JAKMIP3: variants seen among roughly 807,000 people sequenced by gnomAD.
The protein encoded by JAKMIP3 is janus kinase and microtubule-interacting protein 3.
In JAKMIP3, 58 loss-of-function variants were observed where a neutral mutation model predicts 118.5. That is an observed-to-expected ratio of 0.49 (90% CI 0.40 to 0.61). JAKMIP3 has a LOEUF of 0.61. Among genes scored for constraint, JAKMIP3 ranks in the 20% least tolerant of loss-of-function variants. JAKMIP3 has a pLI of 0.00. For synonymous variants in JAKMIP3, 486 were observed against 451.2 expected (o/e 1.08, Z -0.98); for missense variants, 950 against 1,109.0 (o/e 0.86, Z 2.04).
At chr10:132,150,324 G>A (rs541466068) in intron 16 of JAKMIP3, among the ~76,000 whole-genome samples, 1 of 152,272 alleles carries the variant, frequency 6.6e-6, no homozygotes, top group South Asian at 2.1e-4. Flanking sequence ...TACTTGCCAT[G>A]AGGATAGGGG....
chr10:132,121,005 A>T (rs1394922998), intron 3 of JAKMIP3, among the ~76,000 whole-genome samples: 1 of 152,194 alleles, frequency 6.6e-6, no homozygotes, highest in East Asian at 1.9e-4. Flanking sequence ...AGGATGGGGA[A>T]GTCTGGGATG....
chr10:132,043,560 AAATGTTTTTC>A (rs2037822418), intron 1 of JAKMIP3, among the ~76,000 whole-genome samples: 1 of 152,204 alleles, frequency 6.6e-6, no homozygotes, highest in African/African-American at 2.4e-5. Flanking sequence ...TTTAGTTTTT[AAATGTTTTTC>A]AGTCCTAGTC....
intron 19 of JAKMIP3, among the ~76,000 whole-genome samples, chr10:132,159,635 G>T: frequency 1.6e-5 from 1 of 62,152 alleles, no homozygotes; most frequent in African/African-American, 5.8e-5. Context: ...CTTCCTTTGT[G>T]ATGCTGGGGG....
chr10:132,140,728 T>C, intron 10 of JAKMIP3, 149 bp downstream of exon 10: 1 of 1,367,442 alleles, frequency 7.3e-7, no homozygotes, highest in Admixed American at 2.4e-5. Flanking sequence ...GGGGAAGCCC[T>C]TCGCGGCCCT....
Position 132,182,690 on chromosome 10 carries a change from A to C in JAKMIP3, c.*1437A>C. On this transcript the variant is annotated 3_prime_UTR_variant, in exon 24 of 24. Transcript: ENST00000684848. ...GCAGCCAGGTGTGACTGTTACTGGC[A>C]GCATTGTATAAAAGACACGACTCAG... 1 of 152,198 alleles carries C rather than the reference A, an allele frequency of 6.6e-6. No homozygotes were observed. The highest frequency in any genetic ancestry group is 2.1e-4 in the South Asian group (1 of 4,834). The allele number at this position is 152,198 out of a possible 1,614,324, so 9.4% of individuals were successfully genotyped here. A position where few individuals can be genotyped will look rare whatever the true frequency, so the allele number is the denominator to read the frequency against.
chr10:132,141,393 C>T (rs1299251824), intron 10 of JAKMIP3, among the ~76,000 whole-genome samples: 1 of 152,132 alleles, frequency 6.6e-6, no homozygotes, highest in African/African-American at 2.4e-5. Context: ...GCTCACCTGT[C>T]TTCTCCCTGG....
chr10:132,090,895 T>C (rs905172394), intron 1 of JAKMIP3, among the ~76,000 whole-genome samples: 1 of 152,228 alleles, frequency 6.6e-6, no homozygotes, highest in African/African-American at 2.4e-5. Context: ...AGATCTTTCC[T>C]GCTTTTTCTT....
intron 3 of JAKMIP3, among the ~76,000 whole-genome samples, chr10:132,124,392 C>CTGTG: frequency 4.6e-5 from 7 of 151,216 alleles, no homozygotes; most frequent in Non-Finnish European, 7.4e-5. Context: ...AGTCGGCCGG[C>CTGTG]CACACCGCAC....
At chr10:132,167,898 A>C (rs1280493159) in intron 22 of JAKMIP3, 55 bp from the exon 23 acceptor site, 33 of 1,058,178 alleles carry the variant, frequency 3.1e-5, no homozygotes, top group East Asian at 7.2e-5. Flanking sequence ...CTCGCCCCTC[A>C]CTCCAGCCAA....
chr10:132,143,944 G>C (rs1323886983), intron 11 of JAKMIP3: 1 of 152,364 alleles, frequency 6.6e-6, no homozygotes, highest in Non-Finnish European at 1.5e-5. Context: ...CCTTAAGGGA[G>C]GGAAGAGGCT....
chr10:132,180,540 T>C (rs1262018870), intron 23 of JAKMIP3, among the ~76,000 whole-genome samples: 9 of 32,690 alleles, frequency 2.8e-4, no homozygotes, highest in African/African-American at 1.2e-3. Flanking sequence ...TGTGTGTGTG[T>C]GTGTGCGTGC....
At chr10:132,167,850 C>A in intron 22 of JAKMIP3, 103 bp from the exon 23 acceptor site, 1 of 825,264 alleles carries the variant, frequency 1.2e-6, no homozygotes, top group Middle Eastern at 3.0e-4. Context: ...TCGCCCCTCG[C>A]CCCTCACCCC....
chr10:132,085,875 T>C (rs771614844), intron 1 of JAKMIP3, among the ~76,000 whole-genome samples: 12 of 152,162 alleles, frequency 7.9e-5, no homozygotes, highest in Non-Finnish European at 1.6e-4. Flanking sequence ...TTCATTTAGT[T>C]CTGCACTGAT....
chr10:132,133,752 G>A (rs1246874376), intron 4 of JAKMIP3, among the ~76,000 whole-genome samples: 2 of 152,248 alleles, frequency 1.3e-5, no homozygotes, highest in African/African-American at 2.4e-5. Context: ...TGTCTACATA[G>A]CATCAGCTCT....
chr10:132,061,373 C>T (rs937017358), upstream of JAKMIP3, among the ~76,000 whole-genome samples: 3 of 152,180 alleles, frequency 2.0e-5, no homozygotes, highest in Non-Finnish European at 2.9e-5. Context: ...TATATAATTT[C>T]GTTGAAGACA....
intron 23 of JAKMIP3, among the ~76,000 whole-genome samples, chr10:132,170,837 A>G (rs2059422745): frequency 6.6e-6 from 1 of 152,252 alleles, no homozygotes; most frequent in Non-Finnish European, 1.5e-5. Flanking sequence ...AGCTCCGCAC[A>G]GAAGACTTCT....
chr10:132,167,649 G>A (rs1038417798), intron 22 of JAKMIP3, among the ~76,000 whole-genome samples: 4 of 152,142 alleles, frequency 2.6e-5, no homozygotes, highest in Admixed American at 2.6e-4. Context: ...TGTTCGCCTC[G>A]GTCCTCGAGT....
chr10:132,108,656 T>C (rs2046289506), intron 2 of JAKMIP3, among the ~76,000 whole-genome samples: 1 of 151,460 alleles, frequency 6.6e-6, no homozygotes, highest in Non-Finnish European at 1.5e-5. Flanking sequence ...CCTGGTCCTG[T>C]CTCCCACTGG....
intron 19 of JAKMIP3, 114 bp from the exon 20 acceptor site, chr10:132,163,095 C>A: frequency 9.8e-7 from 1 of 1,015,498 alleles, no homozygotes; most frequent in Non-Finnish European, 1.4e-6. Context: ...CTCCCTGTTG[C>A]ATATCCTCTT....
Sources: gnomAD v4.1 joint callset for allele counts (sites outside exome capture counted in the v4.1 genomes callset) on GRCh38, gnomAD v4.1.1 for gene constraint, MANE v1.5 for transcripts, NCBI Gene and HGNC (gene_info 2026-07-23, HGNC 2026-07-21) for gene names.